CHPT1: variants seen among roughly 807,000 people sequenced by gnomAD.
CHPT1 encodes the protein choline phosphotransferase 1, also known as cholinephosphotransferase 1.
CHPT1 carries 36 observed loss-of-function variants against 47.6 expected under a neutral mutation model. That is an observed-to-expected ratio of 0.76 (90% CI 0.58 to 1.00). CHPT1 has a LOEUF of 1.00. CHPT1 is among the 50% of genes least tolerant of loss of function. The pLI is 0.00. For missense variants in CHPT1, 458 were observed against 498.1 expected (o/e 0.92, Z 0.77); for synonymous variants, 194 against 186.3 (o/e 1.04, Z -0.33).
At position 101,708,688 on chromosome 12, in the gene CHPT1, CTGGGT is replaced by C. The variant is rs1425128674; in HGVS notation, c.274-5400_274-5396del. ...AGTGGCTCACTTCAACCTCTGCCTCCTGGGTTCAAGCAATTCTCGTGCCTCAGCCT... is the reference window on the plus strand; with the variant it reads ...AGTGGCTCACTTCAACCTCTGCCTCCTCAAGCAATTCTCGTGCCTCAGCCT... On this transcript the variant is annotated intron_variant, in intron 1 of 8. Transcript: ENST00000229266. 5.7e-5 allele frequency among the ~76,000 whole-genome samples: 7 copies of C among 123,866 alleles called. 2 individuals are homozygous for C. Among genetic ancestry groups the C allele is most frequent in the East Asian group, 2.5e-4 (1 of 3,978 alleles). 81.3% of individuals were successfully genotyped at this position (123,866 alleles called of 152,430 possible). A position where few individuals can be genotyped will look rare whatever the true frequency, so the allele number is the denominator to read the frequency against.
At chr12:101,723,471 A>G (rs2137028336) in intron 6 of CHPT1, 145 bp downstream of exon 6, 1 of 628,930 alleles carries the variant, frequency 1.6e-6, no homozygotes, top group Non-Finnish European at 2.7e-6. Flanking sequence ...CAAAACTGTG[A>G]TAAGAGTTAT....
intron 8 of CHPT1, chr12:101,727,005 T>TA (rs1951963172): frequency 1.3e-5 from 2 of 152,186 alleles, no homozygotes; most frequent in Admixed American, 6.5e-5. Flanking sequence ...AATTTGTATT[T>TA]AATAAAAGGA....
At chr12:101,725,766 A>G (rs889266116) in intron 7 of CHPT1, among the ~76,000 whole-genome samples, 7 of 152,048 alleles carry the variant, frequency 4.6e-5, no homozygotes, top group African/African-American at 1.7e-4. Context: ...CCTGGGTTTC[A>G]TTTTCTGAAG....
rs1416010021 is a variant in CHPT1 at position 101,722,591 on chromosome 12, GC to G, written c.781-575del. 7.3e-5 allele frequency among the ~76,000 whole-genome samples: 11 copies of G among 151,654 alleles called. No homozygotes were observed. In the East Asian group the frequency reaches 1.7e-3, roughly 24 times the overall value. ...GGATAAGCTGGGTGTGGTGGCTCTC[GC>G]CTGTAATCCCAGCACTTTGAGAAGC... is the stretch of plus-strand genomic sequence containing the variant. On this transcript the variant is annotated intron_variant, in intron 5 of 8. Transcript: ENST00000229266.
chr12:101,724,706 T>C (rs1951913336), intron 7 of CHPT1, among the ~76,000 whole-genome samples: 1 of 152,190 alleles, frequency 6.6e-6, no homozygotes, highest in African/African-American at 2.4e-5. Context: ...ATCAATTAAA[T>C]TAAATTCGCT....
At chr12:101,699,073 T>C (rs951286974) in intron 1 of CHPT1, among the ~76,000 whole-genome samples, 1 of 152,186 alleles carries the variant, frequency 6.6e-6, no homozygotes, top group African/African-American at 2.4e-5. Context: ...ATGCCCTCCA[T>C]GCATGCATCC....
chr12:101,714,520 A>C lies in CHPT1; in HGVS notation c.438A>C (p.Gly146=). The C allele has an allele frequency of 1.2e-6, 2 of 1,601,650 alleles. No homozygotes were observed. The highest frequency in any genetic ancestry group is 3.5e-5 in the Admixed American group (2 of 56,610). ...TTCTTTCAGTATTTATGGCAGTGGGAGCTTCAATTGCCGCTCGCTTAGGAA... is the reference window on the plus strand; with the variant it reads ...TTCTTTCAGTATTTATGGCAGTGGGCGCTTCAATTGCCGCTCGCTTAGGAA... ...DSLSTVFMAV[G]ASIAARLGTY... Residue 146 remains glycine (G), a synonymous_variant, in exon 3 of 9, where the codon GGA becomes GGC. Coordinates refer to ENST00000229266, the MANE Select transcript of CHPT1 (RefSeq NM_020244.3).
At chr12:101,727,408 A>G (rs2137034648) in intron 8 of CHPT1, 1 of 152,140 alleles carries the variant, frequency 6.6e-6, no homozygotes, top group East Asian at 1.9e-4. Context: ...ATCTCTGGGG[A>G]TCCAAATCTT....
chr12:101,728,750 C>A (rs1278394970), intron 8 of CHPT1, 151 bp from the exon 9 acceptor site: 2 of 812,720 alleles, frequency 2.5e-6, no homozygotes, highest in Non-Finnish European at 3.8e-6. Context: ...GGAATAGTTG[C>A]TAACTAACTC....
intron 4 of CHPT1, among the ~76,000 whole-genome samples, chr12:101,719,157 A>AAAG (rs1555262972): frequency 3.6e-5 from 1 of 27,626 alleles, no homozygotes; most frequent in African/African-American, 2.7e-4. Context: ...TCGTCTCAAG[A>AAAG]AAAAAAAAAA....
intron 1 of CHPT1, among the ~76,000 whole-genome samples, chr12:101,701,141 C>T (rs1187606232): frequency 1.3e-5 from 2 of 152,194 alleles, no homozygotes; most frequent in Non-Finnish European, 2.9e-5. Context: ...CTGCAAACTG[C>T]TTTTCAAGCC....
intron 1 of CHPT1, among the ~76,000 whole-genome samples, chr12:101,713,465 G>A (rs1363011287): frequency 1.3e-5 from 2 of 152,136 alleles, no homozygotes; most frequent in Non-Finnish European, 2.9e-5. Flanking sequence ...CTTAAACACA[G>A]CATGATTGCT....
In CHPT1 at chr12:101,714,098, C is replaced by G. The variant is rs1205595016; in HGVS notation, c.282C>G (p.Tyr94Ter). The change falls in exon 2 of 9, where the codon TAC becomes TAG. Residue 94 changes from tyrosine to a stop codon, truncating the protein, a stop_gained. Coordinates refer to ENST00000229266, the MANE Select transcript of CHPT1 (RefSeq NM_020244.3). LOFTEE classifies it high-confidence loss of function. ...ATTTACATTTTTTATAGGCACCATA[C>G]TGGACATACCTTTTATGTGCACTGG... ...YCPTATEEAP[Y>*]WTYLLCALGL... 12 of 1,599,016 alleles carry G rather than the reference C, an allele frequency of 7.5e-6. No homozygotes were observed. Among genetic ancestry groups the G allele is most frequent in the Middle Eastern group, 1.7e-4 (1 of 6,038 alleles).
chr12:101,714,388 C>T, intron 2 of CHPT1, 116 bp from the exon 3 acceptor site: 1 of 1,174,110 alleles, frequency 8.5e-7, no homozygotes. Context: ...GATAAGTGTA[C>T]TTTATTTTAA....
intron 6 of CHPT1, among the ~76,000 whole-genome samples, 155 bp downstream of exon 6, chr12:101,723,481 T>C (rs1951891753): frequency 6.6e-6 from 1 of 152,256 alleles, no homozygotes; most frequent in Non-Finnish European, 1.5e-5. Flanking sequence ...ATAAGAGTTA[T>C]ATTCAGTTAA....
At chr12:101,722,644 G>A (rs1002455164) in intron 5 of CHPT1, among the ~76,000 whole-genome samples, 5 of 150,274 alleles carry the variant, frequency 3.3e-5, no homozygotes, top group Admixed American at 6.6e-5. Context: ...GCTTGAGCCC[G>A]GGAGTTTGAG....
At chr12:101,704,227 A>C (rs1469243825) in intron 1 of CHPT1, among the ~76,000 whole-genome samples, 1 of 151,830 alleles carries the variant, frequency 6.6e-6, no homozygotes, top group African/African-American at 2.4e-5. Context: ...TTACGTAATG[A>C]ACATTGTATA....
Position 101,726,363 on chromosome 12 carries a change from C to G in CHPT1, c.1135C>G (p.Leu379Val). The G allele has an allele frequency of 6.2e-7, 1 of 1,613,084 alleles. No homozygotes were observed. The highest frequency in any genetic ancestry group is 8.5e-7 in the Non-Finnish European group (1 of 1,179,394). ...CCTGCAAATTTCAAGACACCTTCAT[C>G]TAAATATATTCAAGACTGCATGTCA... ...LCLQISRHLH[L>V]NIFKTACHQA... Residue 379 changes from leucine to valine, a missense_variant, in exon 8 of 9, where the codon CTA becomes GTA. Coordinates refer to ENST00000229266, the MANE Select transcript of CHPT1 (RefSeq NM_020244.3).
chr12:101,716,827 T>G lies in CHPT1; in HGVS notation c.648+15T>G. Reference sequence around the variant, plus strand: ...GGGACTATACGGTAAATCTGAATATTTAAATTTATATTTAAGTACTTTTCA... The same window carrying G: ...GGGACTATACGGTAAATCTGAATATGTAAATTTATATTTAAGTACTTTTCA... On this transcript the variant is annotated intron_variant, in intron 4 of 8. Transcript: ENST00000229266. 1.4e-6 allele frequency: 2 copies of G among 1,458,880 alleles called. No homozygotes were observed. Among genetic ancestry groups the G allele is most frequent in the Non-Finnish European group, 1.9e-6 (2 of 1,071,492 alleles). 90.4% of individuals were successfully genotyped at this position (1,458,880 alleles called of 1,614,324 possible).
Sources: gnomAD v4.1 joint callset for allele counts (sites outside exome capture counted in the v4.1 genomes callset) on GRCh38, gnomAD v4.1.1 for gene constraint, MANE v1.5 for transcripts, NCBI Gene and HGNC (gene_info 2026-07-23, HGNC 2026-07-21) for gene names.